The following DLGAP1 variants were observed in gnomAD, a reference collection of about 807,000 sequenced individuals.
DLGAP1 encodes DLG associated protein 1, also known as disks large-associated protein 1.
In DLGAP1, 11 loss-of-function variants were observed where a neutral mutation model predicts 90.8. That is an observed-to-expected ratio of 0.12 (90% confidence interval 0.08 to 0.20). DLGAP1 has a LOEUF of 0.20. DLGAP1 is among the 10% of genes least tolerant of loss of function. The probability of loss-of-function intolerance (pLI) is 1.00; values close to 1 mark genes in which losing one functional copy is unlikely to be tolerated. For missense variants in DLGAP1, 1,050 were observed against 1,333.8 expected (o/e 0.79, Z 3.31); for synonymous variants, 558 against 540.7 (o/e 1.03, Z -0.44).
intron 1 of DLGAP1, among the ~76,000 whole-genome samples, chr18:4,319,405 G>C (rs12607926): frequency 0.28 from 42,802 of 151,938 alleles, 6,127 homozygotes; most frequent in African/African-American, 0.32. Context: ...CAACATGAGG[G>C]CTGAACAAAG....
chr18:4,053,353 A>T (rs2075164082), intron 2 of DLGAP1, among the ~76,000 whole-genome samples: 1 of 152,194 alleles, frequency 6.6e-6, no homozygotes, highest in South Asian at 2.1e-4. Context: ...AGTCCCTTAT[A>T]TAACCATCAG....
rs80126627 is a variant in DLGAP1, at chr18:4,041,046, G to C, written c.-158-35845C>G. ...CTTGGTACAGACTCAGAAGCAGCAG[G>C]GTGAAGCAATAGCAGCAGCTAGAAC... On this transcript the variant is annotated intron_variant, in intron 2 of 12. Transcript: ENST00000315677. 0.019 allele frequency among the ~76,000 whole-genome samples: 2,954 copies of C among 152,228 alleles called. 308 individuals carry two copies. The East Asian group carries it at 0.31, about 16-fold the overall frequency.
At chr18:3,622,478 T>A (rs1288958909) in intron 7 of DLGAP1, among the ~76,000 whole-genome samples, 1 of 152,172 alleles carries the variant, frequency 6.6e-6, no homozygotes, top group Non-Finnish European at 1.5e-5. Context: ...TCTCAAAGAT[T>A]GGCTCTGTCC....
chr18:4,010,661 CTTTA>C (rs1341555148), intron 2 of DLGAP1, among the ~76,000 whole-genome samples: 4 of 152,160 alleles, frequency 2.6e-5, no homozygotes, highest in African/African-American at 7.2e-5. Flanking sequence ...TTGCTTTCAA[CTTTA>C]TTTATCAAAT....
At chr18:4,078,423 A>T (rs1042580318) in intron 2 of DLGAP1, among the ~76,000 whole-genome samples, 3 of 152,210 alleles carry the variant, frequency 2.0e-5, no homozygotes, top group African/African-American at 7.2e-5. Context: ...AAGCACACAG[A>T]GAATCTCCGG....
intron 2 of DLGAP1, among the ~76,000 whole-genome samples, chr18:4,048,865 G>A (rs2075092793): frequency 6.6e-6 from 1 of 152,202 alleles, no homozygotes; most frequent in African/African-American, 2.4e-5. Flanking sequence ...TGTATGTATA[G>A]TTCTTTCAAA....
intron 3 of DLGAP1, among the ~76,000 whole-genome samples, chr18:3,916,330 C>G (rs930800607): frequency 2.0e-5 from 3 of 152,136 alleles, no homozygotes; most frequent in Non-Finnish European, 4.4e-5. Flanking sequence ...CAGGACAGCA[C>G]GTGCAATCCC....
intron 1 of DLGAP1, among the ~76,000 whole-genome samples, chr18:4,186,362 C>T (rs953211390): frequency 1.3e-5 from 2 of 152,164 alleles, no homozygotes; most frequent in Non-Finnish European, 1.5e-5. Context: ...GTTCCTATAT[C>T]CAGAATGGTA....
At chr18:4,265,629 C>CCTT (rs1288396917) in intron 1 of DLGAP1, among the ~76,000 whole-genome samples, 23 of 46,002 alleles carry the variant, frequency 5.0e-4, no homozygotes, top group African/African-American at 3.7e-3. Flanking sequence ...CCCTCCCCTT[C>CCTT]CCTCCCTCCC....
chr18:4,279,313 TAAG>T (rs1311712911), intron 1 of DLGAP1, among the ~76,000 whole-genome samples: 1 of 152,248 alleles, frequency 6.6e-6, no homozygotes, highest in Non-Finnish European at 1.5e-5. Flanking sequence ...ACCATTAGAT[TAAG>T]AAGAAGCACT....
At chr18:3,919,938 C>T (rs1187977315) in intron 3 of DLGAP1, among the ~76,000 whole-genome samples, 1 of 152,128 alleles carries the variant, frequency 6.6e-6, no homozygotes, top group East Asian at 1.9e-4. Flanking sequence ...GATACAACTG[C>T]CTGGGAGACT....
intron 7 of DLGAP1, among the ~76,000 whole-genome samples, chr18:3,708,811 GTGACTCAGATATGACTTTC>G (rs1387740061): frequency 6.6e-6 from 1 of 152,204 alleles, no homozygotes; most frequent in Non-Finnish European, 1.5e-5. Context: ...ACTCCTCATT[GTGACTCAGATATGACTTTC>G]TGAAGCTTCT....
intron 1 of DLGAP1, among the ~76,000 whole-genome samples, chr18:4,440,068 C>T (rs915936954): frequency 3.4e-4 from 47 of 136,310 alleles, no homozygotes; most frequent in Non-Finnish European, 6.2e-4. Context: ...TGCAGTGAGC[C>T]GAGATCACAC....
intron 7 of DLGAP1, chr18:3,603,469 T>A (rs1310620122): frequency 6.6e-6 from 1 of 152,124 alleles, no homozygotes; most frequent in East Asian, 1.9e-4. Context: ...TAGACTCCCC[T>A]CACCCTGGGT....
chr18:3,596,243 T>G (rs2056569398), intron 7 of DLGAP1, among the ~76,000 whole-genome samples: 1 of 151,972 alleles, frequency 6.6e-6, no homozygotes, highest in South Asian at 2.1e-4. Flanking sequence ...CACTGCAACC[T>G]CCGCCTCCCA....
At chr18:3,960,951 A>C (rs2073185796) in intron 3 of DLGAP1, among the ~76,000 whole-genome samples, 1 of 152,208 alleles carries the variant, frequency 6.6e-6, no homozygotes, top group Non-Finnish European at 1.5e-5. Flanking sequence ...ATTGGTTCTG[A>C]CAAATGAGAC....
chr18:3,524,661 T>C (rs1338295379), intron 10 of DLGAP1, among the ~76,000 whole-genome samples: 1 of 152,168 alleles, frequency 6.6e-6, no homozygotes, highest in African/African-American at 2.4e-5. Context: ...GGCAGGCAGA[T>C]CGCTTGAACC....
chr18:3,941,716 T>C (rs764355596), intron 3 of DLGAP1, among the ~76,000 whole-genome samples: 3 of 152,198 alleles, frequency 2.0e-5, no homozygotes, highest in Non-Finnish European at 4.4e-5. Context: ...ATTGTAATTA[T>C]AAGTCCTTAT....
Position 3,600,881 on chromosome 18 carries a change from G to GATATAT in DLGAP1, c.1592-18634_1592-18633insATATAT, listed in dbSNP as rs2056931862. Among the ~76,000 whole-genome samples, 92 of 9,860 alleles carry GATATAT rather than the reference G, an allele frequency of 9.3e-3. 19 individuals are homozygous for GATATAT. Among genetic ancestry groups the GATATAT allele is most frequent in the Non-Finnish European group, 0.018 (53 of 2,892 alleles). 6.5% of individuals were successfully genotyped at this position (9,860 alleles called of 152,430 possible). A position where few individuals can be genotyped will look rare whatever the true frequency, so the allele number is the denominator to read the frequency against. The stretch of plus-strand genomic sequence containing the variant: ...ATATATATAGATATATAGATATATA[G>GATATAT]ATAGATATATAGATATATATAGATA... On this transcript the variant is annotated intron_variant, in intron 7 of 12. Coordinates refer to ENST00000315677, the MANE Select transcript of DLGAP1 (RefSeq NM_004746.4).
Sources: gnomAD v4.1 joint callset for allele counts (sites outside exome capture counted in the v4.1 genomes callset) on GRCh38, gnomAD v4.1.1 for gene constraint, MANE v1.5 for transcripts, NCBI Gene and HGNC (gene_info 2026-07-23, HGNC 2026-07-21) for gene names.